The following ADGRB3 variants were observed in gnomAD, a reference collection of about 807,000 sequenced individuals.
The protein encoded by ADGRB3 is adhesion G protein-coupled receptor B3, also known as brain-specific angiogenesis inhibitor 3.
A neutral mutation model predicts 193.4 loss-of-function variants in ADGRB3; 37 were observed. The ratio of observed to expected loss-of-function variants is 0.19; its 90% CI spans 0.15 to 0.25. The LOEUF (loss-of-function observed/expected upper bound fraction) is 0.25, where lower values mean the gene tolerates loss of function less well. Among genes scored for constraint, ADGRB3 ranks in the 10% least tolerant of loss-of-function variants. The pLI, the probability that ADGRB3 is intolerant of heterozygous loss-of-function variation, is 1.00. For missense variants in ADGRB3, 1,637 were observed against 1,852.9 expected (o/e 0.88, Z 2.14); for synonymous variants, 690 against 644.2 (o/e 1.07, Z -1.08).
chr6:69,100,486 T>C (rs1478124596), intron 17 of ADGRB3, among the ~76,000 whole-genome samples: 1 of 152,052 alleles, frequency 6.6e-6, no homozygotes, highest in Non-Finnish European at 1.5e-5. Context: ...AAAAACTAAG[T>C]TCTCCCATTT....
intron 17 of ADGRB3, among the ~76,000 whole-genome samples, chr6:69,185,823 T>G (rs1765054427): frequency 6.6e-6 from 1 of 152,196 alleles, no homozygotes; most frequent in Admixed American, 6.6e-5. Flanking sequence ...TCCCAAACAT[T>G]AAATGACAGC....
intron 17 of ADGRB3, among the ~76,000 whole-genome samples, chr6:69,214,324 A>T (rs1474837177): frequency 6.6e-6 from 1 of 152,100 alleles, no homozygotes; most frequent in Non-Finnish European, 1.5e-5. Flanking sequence ...GGTACCTGAT[A>T]TGGCTTTTCA....
chr6:68,668,611 G>A (rs1768858851), intron 3 of ADGRB3, among the ~76,000 whole-genome samples: 2 of 151,932 alleles, frequency 1.3e-5, no homozygotes, highest in African/African-American at 4.8e-5. Context: ...TGCCAAGAAA[G>A]ATGGTGTTTA....
intron 10 of ADGRB3, among the ~76,000 whole-genome samples, chr6:68,982,267 A>G (rs1296260554): frequency 6.6e-6 from 1 of 152,194 alleles, no homozygotes; most frequent in Non-Finnish European, 1.5e-5. Context: ...CAGACATTGC[A>G]TAAAATAAAC....
chr6:69,384,252 G>C (rs1044620003), intron 31 of ADGRB3, among the ~76,000 whole-genome samples: 2 of 151,970 alleles, frequency 1.3e-5, no homozygotes, highest in Admixed American at 1.3e-4. Context: ...TCTCCTTAAA[G>C]TAGGAATCAT....
At chr6:69,330,202 T>G (rs1272252071) in intron 22 of ADGRB3, among the ~76,000 whole-genome samples, 1 of 152,196 alleles carries the variant, frequency 6.6e-6, no homozygotes, top group Non-Finnish European at 1.5e-5. Flanking sequence ...AATACTCAAC[T>G]TTGTAATGAC....
intron 17 of ADGRB3, among the ~76,000 whole-genome samples, chr6:69,204,535 A>T (rs1765495751): frequency 6.6e-6 from 1 of 152,164 alleles, no homozygotes; most frequent in Non-Finnish European, 1.5e-5. Context: ...CCAATGGAGT[A>T]GTGGCTGTGT....
chr6:69,105,963 T>C (rs1339419787), intron 17 of ADGRB3, among the ~76,000 whole-genome samples: 1 of 151,976 alleles, frequency 6.6e-6, no homozygotes, highest in Non-Finnish European at 1.5e-5. Context: ...GGTGAAAGCT[T>C]ATCTCTAGTA....
chr6:68,883,502 G>A (rs1029953157), intron 3 of ADGRB3, among the ~76,000 whole-genome samples: 2 of 152,266 alleles, frequency 1.3e-5, no homozygotes, highest in Admixed American at 6.5e-5. Flanking sequence ...GGTCTGTACT[G>A]CCTTTATGAG....
intron 17 of ADGRB3, among the ~76,000 whole-genome samples, chr6:69,101,588 A>G (rs1410563415): frequency 6.6e-6 from 1 of 152,116 alleles, no homozygotes; most frequent in Non-Finnish European, 1.5e-5. Flanking sequence ...ATTTCTTATA[A>G]AAATAGACTG....
intron 3 of ADGRB3, among the ~76,000 whole-genome samples, chr6:68,727,539 G>A (rs948640582): frequency 1.1e-4 from 17 of 151,450 alleles, no homozygotes; most frequent in African/African-American, 4.1e-4. Flanking sequence ...ACTAAAAGAT[G>A]TATACCAAGA....
intron 3 of ADGRB3, among the ~76,000 whole-genome samples, chr6:68,839,521 T>G (rs489218): frequency 0.21 from 32,616 of 152,110 alleles, 4,043 homozygotes; most frequent in East Asian, 0.58. Context: ...AAACTTTACA[T>G]AGATGTCACC....
intron 17 of ADGRB3, among the ~76,000 whole-genome samples, chr6:69,216,960 C>T (rs771860681): frequency 2.6e-5 from 4 of 152,164 alleles, no homozygotes; most frequent in Non-Finnish European, 5.9e-5. Flanking sequence ...CTACCTGTAA[C>T]CTGTCTTGTC....
Position 69,349,047 on chromosome 6 carries a change from G to C in ADGRB3, c.3460-5186G>C, listed in dbSNP as rs143514033. ...CAGCTCTGCTACTTGTTATTTTTAT[G>C]ATCTTGAGCAAGTTACTTAAGCTCT... On this transcript the variant is annotated intron_variant, in intron 26 of 31. Coordinates refer to ENST00000370598, the MANE Select transcript of ADGRB3 (RefSeq NM_001704.3). 2.8e-3 allele frequency among the ~76,000 whole-genome samples: 427 copies of C among 152,256 alleles called. 2 individuals carry two copies. Among genetic ancestry groups the C allele is most frequent in the African/African-American group, 9.7e-3 (402 of 41,548 alleles).
intron 15 of ADGRB3, among the ~76,000 whole-genome samples, chr6:69,053,056 T>G (rs1771445857): frequency 6.6e-6 from 1 of 152,066 alleles, no homozygotes; most frequent in African/African-American, 2.4e-5. Context: ...CATGGTGGTG[T>G]GTGCCTGTAG....
chr6:69,014,717 AAGTGG>A (rs1361676918), intron 12 of ADGRB3, among the ~76,000 whole-genome samples: 5 of 152,068 alleles, frequency 3.3e-5, no homozygotes. Context: ...ATTACAGGAA[AAGTGG>A]GTTAGAAGTC....
intron 16 of ADGRB3, among the ~76,000 whole-genome samples, chr6:69,073,714 T>G (rs1772146558): frequency 6.6e-6 from 1 of 152,184 alleles, no homozygotes; most frequent in African/African-American, 2.4e-5. Flanking sequence ...CCCACCTGGC[T>G]GTCTCAGTGA....
chr6:69,132,033 G>A (rs1774026141), intron 17 of ADGRB3, among the ~76,000 whole-genome samples: 1 of 152,072 alleles, frequency 6.6e-6, no homozygotes, highest in Admixed American at 6.6e-5. Flanking sequence ...TCATTGATGA[G>A]CATTTGGATT....
At chr6:68,842,006 A>G (rs1768168359) in intron 3 of ADGRB3, among the ~76,000 whole-genome samples, 1 of 152,020 alleles carries the variant, frequency 6.6e-6, no homozygotes, top group Non-Finnish European at 1.5e-5. Flanking sequence ...TTTTAGAGTA[A>G]CTGAAAGAGT....
Sources: allele counts gnomAD v4.1 joint callset (sites outside exome capture counted in the v4.1 genomes callset), GRCh38; gene constraint gnomAD v4.1.1; transcripts MANE v1.5; gene names NCBI Gene and HGNC (gene_info 2026-07-23, HGNC 2026-07-21).